Variants in CORO2B observed in about 807,000 individuals in gnomAD.
The protein encoded by CORO2B is coronin 2B.
Under a neutral mutation model 58.8 loss-of-function variants are expected in CORO2B, and 26 were observed. The observed-to-expected ratio is 0.44, with a 90% CI of 0.32 to 0.61. The LOEUF (loss-of-function observed/expected upper bound fraction) is 0.61, where lower values mean the gene tolerates loss of function less well. Among genes scored for constraint, CORO2B ranks in the 20% least tolerant of loss-of-function variants. CORO2B has a pLI of 0.04. For missense variants in CORO2B, 460 were observed against 645.1 expected (o/e 0.71, Z 3.11); for synonymous variants, 242 against 253.8 (o/e 0.95, Z 0.44).
the CORO2B span, among the ~76,000 whole-genome samples, chr15:68,543,863 C>T: frequency 3.9e-3 from 593 of 152,266 alleles, 4 homozygotes; most frequent in African/African-American, 0.013. Context: ...TCACCCTGTC[C>T]AGCCTTCTGC....
intron 6 of CORO2B, 71 bp from the exon 7 acceptor site, chr15:68,714,488 C>A (rs1015065884): frequency 2.6e-6 from 3 of 1,172,800 alleles, no homozygotes; most frequent in East Asian, 2.3e-5. Flanking sequence ...TCCTAAGAGG[C>A]CTTCCTGGGA....
intron 1 of CORO2B, among the ~76,000 whole-genome samples, chr15:68,599,788 C>T (rs191487134): frequency 6.6e-6 from 1 of 152,198 alleles, no homozygotes; most frequent in Non-Finnish European, 1.5e-5. Flanking sequence ...TCCGGACATC[C>T]GGGTCTCATT....
Position 68,645,186 on chromosome 15 carries a change from C to T in CORO2B, c.42C>T (p.Ser14=). The change falls in exon 2 of 12, where the codon AGC becomes AGT. Residue 14 remains serine (S), a synonymous_variant. Transcript: ENST00000261861. The surrounding 1 kb of genome is among the most constrained non-coding windows in gnomAD (Gnocchi z 4.5). ...TGTCCTGGCGTCCGCAATACCGTAG[C>T]TCCAAGTTCCGGAATGTCTACGGGA... is the stretch of plus-strand genomic sequence containing the variant. The part of the protein sequence containing the change: ...TKMSWRPQYR[S]SKFRNVYGKV... The T allele has an allele frequency of 6.2e-7, 1 of 1,614,224 alleles. No homozygotes were observed. Among genetic ancestry groups the T allele is most frequent in the South Asian group, 1.1e-5 (1 of 91,074 alleles).
At chr15:68,648,009 C>T (rs1249308758) in intron 2 of CORO2B, among the ~76,000 whole-genome samples, 7 of 117,774 alleles carry the variant, frequency 5.9e-5, no homozygotes, top group African/African-American at 6.5e-5. Context: ...CCCTGGGCAA[C>T]GGAGAAAGAT....
At chr15:68,686,333 G>T (rs374859897) in intron 2 of CORO2B, among the ~76,000 whole-genome samples, 1 of 151,984 alleles carries the variant, frequency 6.6e-6, no homozygotes, top group Non-Finnish European at 1.5e-5. Context: ...ACCACGCCCG[G>T]CTTCATACAC....
intron 1 of CORO2B, among the ~76,000 whole-genome samples, chr15:68,580,829 T>G (rs772362871): frequency 6.6e-5 from 10 of 151,860 alleles, no homozygotes; most frequent in Non-Finnish European, 1.5e-4. Context: ...GCGCCTCCCC[T>G]GTGTCTCTTT....
chr15:68,616,008 C>A (rs1045840990), intron 1 of CORO2B, among the ~76,000 whole-genome samples: 2 of 152,166 alleles, frequency 1.3e-5, no homozygotes, highest in Non-Finnish European at 2.9e-5. Context: ...GCCAGACCTG[C>A]TGGGTGGTTT....
chr15:68,563,332 A>C, the CORO2B span, among the ~76,000 whole-genome samples: 1 of 151,802 alleles, frequency 6.6e-6, no homozygotes, highest in Non-Finnish European at 1.5e-5. Flanking sequence ...TACAAAAAAA[A>C]CACAAAAATT....
intron 5 of CORO2B, among the ~76,000 whole-genome samples, chr15:68,713,129 C>T (rs1426409985): frequency 6.6e-6 from 1 of 152,136 alleles, no homozygotes; most frequent in East Asian, 1.9e-4. Flanking sequence ...AAAGGAGGCC[C>T]AAGACAGCTC....
At chr15:68,604,505 G>GT (rs113990519) in intron 1 of CORO2B, among the ~76,000 whole-genome samples, 71 of 149,312 alleles carry the variant, frequency 4.8e-4, no homozygotes, top group African/African-American at 1.3e-3. Context: ...AAAAGGTGTG[G>GT]TTTTTTTTTT....
rs1893007460 is a variant in CORO2B at position 68,715,299 on chromosome 15, C to G, written c.955C>G (p.Gln319Glu). 1 of 1,613,818 alleles carries G rather than the reference C, an allele frequency of 6.2e-7. No homozygotes were observed. Among genetic ancestry groups the G allele is most frequent in the Admixed American group, 1.7e-5 (1 of 59,992 alleles). ...CATGGAGTTCCGCTCCCCAGCCCCG[C>G]AGAAAGGCCTAGGTAAGTGGCCCCG... is the stretch of plus-strand genomic sequence containing the variant. ...YLMEFRSPAPQKGLGVMPKHG... is the reference protein window; with the variant it reads ...YLMEFRSPAPEKGLGVMPKHG... Residue 319 changes from glutamine (Q) to glutamate (E), a missense_variant, in exon 8 of 12, where the codon CAG becomes GAG. This residue lies in a region of CORO2B where 352 missense variants were observed against 543.0 expected (regional missense o/e 0.65). Transcript: ENST00000261861.
chr15:68,583,381 G>C (rs1273405815), intron 1 of CORO2B, among the ~76,000 whole-genome samples: 3 of 152,234 alleles, frequency 2.0e-5, no homozygotes, highest in Non-Finnish European at 4.4e-5. Context: ...GTAAGTTTGA[G>C]GCTGGAGGGG....
intron 1 of CORO2B, among the ~76,000 whole-genome samples, chr15:68,595,638 T>C (rs1268922001): frequency 6.6e-6 from 1 of 152,176 alleles, no homozygotes; most frequent in Non-Finnish European, 1.5e-5. Context: ...AGTGGTAAAG[T>C]TAATAACAGT....
At chr15:68,578,959 C>A, upstream of CORO2B, 1 of 873,230 alleles carries the variant, frequency 1.1e-6, no homozygotes. The surrounding 1 kb of genome is among the most constrained non-coding windows in gnomAD (Gnocchi z 4.2). Context: ...CCTCCCCCCG[C>A]CCCCCAGCCC....
At chr15:68,570,390 T>C in the CORO2B span, among the ~76,000 whole-genome samples, 1 of 152,244 alleles carries the variant, frequency 6.6e-6, no homozygotes, top group Non-Finnish European at 1.5e-5. Flanking sequence ...TTGTGATGTC[T>C]TCGTCTGAAT....
Position 68,710,827 on chromosome 15 carries a change from C to T in CORO2B, c.429C>T (p.Val143=), listed in dbSNP as rs763654318. 6.2e-6 allele frequency: 10 copies of T among 1,611,120 alleles called. No homozygotes were observed. In the South Asian group the frequency reaches 7.8e-5, roughly 13 times the overall value. Reference sequence around the variant, plus strand: ...GGCACAGCCGGCGTGTGGGGCTGGTCGAGTGGCACCCCACCACCAACAACA... The same window carrying T: ...GGCACAGCCGGCGTGTGGGGCTGGTTGAGTGGCACCCCACCACCAACAACA... ...LHGHSRRVGL[V]EWHPTTNNIL... Residue 143 remains valine (V), a synonymous_variant, in exon 4 of 12, where the codon GTC becomes GTT. Transcript: ENST00000261861. This position sits in a 1 kb window ranked among gnomAD's most constrained non-coding sequence, Gnocchi z 4.1.
chr15:68,680,344 A>T (rs1902739933), intron 2 of CORO2B, among the ~76,000 whole-genome samples: 1 of 152,152 alleles, frequency 6.6e-6, no homozygotes, highest in Non-Finnish European at 1.5e-5. Flanking sequence ...TGATTATCTC[A>T]TTTAAGATGA....
chr15:68,587,854 C>T (rs909927162), intron 1 of CORO2B, among the ~76,000 whole-genome samples: 1 of 152,192 alleles, frequency 6.6e-6, no homozygotes, highest in African/African-American at 2.4e-5. Flanking sequence ...GCCTGCCTCG[C>T]AGGCCTTCTG....
At position 68,613,587 on chromosome 15, in the gene CORO2B, C is replaced by T. The variant is rs562318345; in HGVS notation, c.16-31573C>T. On this transcript the variant is annotated intron_variant, in intron 1 of 11. Transcript: ENST00000261861. ...TCCTTGGCTTGTTAAGAACCAATGA[C>T]GCACAATGCCATGGACTTTTATTTT... 2.6e-5 allele frequency among the ~76,000 whole-genome samples: 4 copies of T among 152,316 alleles called. No individual in the cohort carries two copies. In the South Asian group the frequency reaches 6.2e-4, roughly 24 times the overall value.
Sources: gnomAD v4.1 joint callset for allele counts (sites outside exome capture counted in the v4.1 genomes callset) on GRCh38, gnomAD v4.1.1 for gene constraint, gnomAD v4.1.1 regional missense constraint, Gnocchi (gnomAD v3.1) non-coding constraint, MANE v1.5 for transcripts, NCBI Gene and HGNC (gene_info 2026-07-23, HGNC 2026-07-21) for gene names.